The following DDX31 variants were observed in gnomAD, a reference collection of about 807,000 sequenced individuals.
DDX31 encodes the protein DEAD-box helicase 31, also known as ATP-dependent DNA helicase DDX31.
In DDX31, 70 loss-of-function variants were observed where a neutral mutation model predicts 91.3. The ratio of observed to expected loss-of-function variants is 0.77; its 90% confidence interval spans 0.63 to 0.94. The LOEUF is 0.94. Among genes scored for constraint, DDX31 ranks in the 40% least tolerant of loss-of-function variants. The pLI is 0.00. For synonymous variants in DDX31, 362 were observed against 350.6 expected (o/e 1.03, Z -0.36); for missense variants, 902 against 925.0 (o/e 0.98, Z 0.32).
chr9:132,627,396 T>TA (rs892739728), intron 16 of DDX31, among the ~76,000 whole-genome samples: 6 of 152,172 alleles, frequency 3.9e-5, no homozygotes, highest in African/African-American at 1.4e-4. Flanking sequence ...TTCCTCTTCC[T>TA]AAGAAACTGC....
Position 132,641,780 on chromosome 9 carries a change from T to C in DDX31, c.1440+224A>G, listed in dbSNP as rs139853356. ...ACATTTTCAGACCAACAGCTGCCACTATTAGTGAGCAAATTGCCAAGTCTT... is the reference window on the plus strand; with the variant it reads ...ACATTTTCAGACCAACAGCTGCCACCATTAGTGAGCAAATTGCCAAGTCTT... On this transcript the variant is annotated intron_variant, in intron 14 of 19. Transcript: ENST00000372159. 6.9e-4 allele frequency among the ~76,000 whole-genome samples: 105 copies of C among 152,326 alleles called. No homozygotes were observed. In the East Asian group the frequency reaches 0.018, roughly 26 times the overall value.
chr9:132,632,895 C>G (rs11243851), intron 14 of DDX31, among the ~76,000 whole-genome samples: 16,696 of 152,238 alleles, frequency 0.11, 1,155 homozygotes, highest in South Asian at 0.18. Context: ...TCTCTCTAGT[C>G]TCTCACCATT....
Position 132,645,879 on chromosome 9 carries a change from G to T in DDX31, c.1380+16C>A, listed in dbSNP as rs1360517862. 5 of 1,601,056 alleles carry T rather than the reference G, an allele frequency of 3.1e-6. No individual in the cohort carries two copies. The highest frequency in any genetic ancestry group is 3.4e-6 in the Non-Finnish European group (4 of 1,171,108). On this transcript the variant is annotated intron_variant, in intron 13 of 19. Coordinates refer to ENST00000372159, the MANE Select transcript of DDX31 (RefSeq NM_022779.9). ...GGGCCGCAGTGTTGTCGCTGCACAG[G>T]GAGATCAGTGCTCACCTCCTGCTCC... is the stretch of plus-strand genomic sequence containing the variant.
chr9:132,647,936 C>T (rs560614518), intron 11 of DDX31, among the ~76,000 whole-genome samples: 1 of 152,300 alleles, frequency 6.6e-6, no homozygotes, highest in South Asian at 2.1e-4. Context: ...AGCAGCCAGT[C>T]TTTTCTCGTC....
intron 1 of DDX31, chr9:132,669,581 A>C: frequency 6.8e-7 from 1 of 1,480,700 alleles, no homozygotes; most frequent in Non-Finnish European, 9.0e-7. Context: ...TTCCACGGGA[A>C]ACAGCCTCTA....
intron 7 of DDX31, among the ~76,000 whole-genome samples, chr9:132,652,101 A>G (rs1218162002): frequency 1.3e-5 from 2 of 152,162 alleles, no homozygotes; most frequent in Non-Finnish European, 2.9e-5. Flanking sequence ...AAAAAAATAA[A>G]GGTTCATTTT....
At chr9:132,631,714 A>T (rs1832733786) in intron 15 of DDX31, among the ~76,000 whole-genome samples, 1 of 152,182 alleles carries the variant, frequency 6.6e-6, no homozygotes, top group Non-Finnish European at 1.5e-5. Context: ...CTCCTTCTGG[A>T]CACAATGAGG....
chr9:132,622,547 T>C (rs146066110), intron 17 of DDX31, among the ~76,000 whole-genome samples: 2 of 152,316 alleles, frequency 1.3e-5, no homozygotes, highest in African/African-American at 4.8e-5. Flanking sequence ...AGACACACAG[T>C]GATCAACTCC....
intron 19 of DDX31, among the ~76,000 whole-genome samples, chr9:132,603,632 T>C (rs1472067605): frequency 6.6e-6 from 1 of 152,202 alleles, no homozygotes; most frequent in East Asian, 1.9e-4. Context: ...GAGCTGGTAC[T>C]CTCCTGTTGC....
chr9:132,638,290 TC>T (rs771116904), intron 14 of DDX31: 4 of 1,611,536 alleles, frequency 2.5e-6, no homozygotes, highest in East Asian at 2.2e-5. Context: ...CGGTGGTACT[TC>T]TTATCAACTC....
At chr9:132,611,004 C>T (rs421380) in intron 19 of DDX31, among the ~76,000 whole-genome samples, 150,454 of 152,204 alleles carry the variant, frequency 0.99, 74,371 homozygotes, top group Middle Eastern at 1. Flanking sequence ...GATGGAATAA[C>T]TGACACTTCC....
At chr9:132,650,408 C>T (rs1302990354) in intron 8 of DDX31, 110 bp from the exon 9 acceptor site, 3 of 985,580 alleles carry the variant, frequency 3.0e-6, no homozygotes, top group African/African-American at 1.6e-5. Flanking sequence ...ACTGGTGCTT[C>T]TCATTGTATA....
At position 132,612,658 on chromosome 9, in the gene DDX31, T is replaced by C. The variant is rs144088533; in HGVS notation, c.1826-403A>G. On this transcript the variant is annotated intron_variant, in intron 18 of 19. Transcript: ENST00000372159. ...ATCAACACAGGACATCGTTTTCTTA[T>C]GAAAATGAGAAAATCATTAGACATT... 4.6e-5 allele frequency among the ~76,000 whole-genome samples: 7 copies of C among 152,374 alleles called. No homozygotes were observed. In the South Asian group the frequency reaches 6.2e-4, roughly 14 times the overall value.
At chr9:132,607,077 A>G (rs1831071903) in intron 19 of DDX31, among the ~76,000 whole-genome samples, 1 of 152,202 alleles carries the variant, frequency 6.6e-6, no homozygotes. Context: ...GATTTCCACG[A>G]GGATGTTTAT....
At chr9:132,602,560 A>C (rs964272902) in intron 19 of DDX31, among the ~76,000 whole-genome samples, 36 of 152,324 alleles carry the variant, frequency 2.4e-4, no homozygotes, top group African/African-American at 8.2e-4. Flanking sequence ...CGCTCCTAGC[A>C]CTGTACCGTT....
At chr9:132,622,438 C>A (rs1029062432) in intron 17 of DDX31, among the ~76,000 whole-genome samples, 1 of 152,178 alleles carries the variant, frequency 6.6e-6, no homozygotes, top group African/African-American at 2.4e-5. Flanking sequence ...TAGCTTGTTG[C>A]TGACAGAGTG....
chr9:132,635,812 T>C (rs1017728394), intron 14 of DDX31, among the ~76,000 whole-genome samples: 1 of 151,582 alleles, frequency 6.6e-6, no homozygotes, highest in Non-Finnish European at 1.5e-5. Context: ...GGCATGGTGG[T>C]GCATGCCTGT....
chr9:132,612,350 TG>T lies in DDX31; in HGVS notation c.1826-96del, dbSNP rs369733110. On this transcript the variant is annotated intron_variant, in intron 18 of 19. Coordinates refer to ENST00000372159, the MANE Select transcript of DDX31 (RefSeq NM_022779.9). Reference sequence around the variant, plus strand: ...AATGGTTATCTTCTGTACTTTATCTTGCCAGGCAACGAAACATGAGCAGGAC... The same window carrying T: ...AATGGTTATCTTCTGTACTTTATCTTCCAGGCAACGAAACATGAGCAGGAC... 9.1e-4 allele frequency: 1,311 copies of T among 1,437,386 alleles called. 2 individuals are homozygous for T. Among genetic ancestry groups the T allele is most frequent in the Non-Finnish European group, 1.2e-3 (1,245 of 1,033,962 alleles). 89.0% of individuals were successfully genotyped at this position (1,437,386 alleles called of 1,614,324 possible). A position where few individuals can be genotyped will look rare whatever the true frequency, so the allele number is the denominator to read the frequency against.
rs769078351 is a variant in DDX31 at position 132,662,597 on chromosome 9, A to C, written c.174T>G (p.Ser58Arg). 6.2e-6 allele frequency: 10 copies of C among 1,614,054 alleles called. No individual in the cohort carries two copies. The South Asian group carries it at 8.8e-5, about 14-fold the overall frequency. The change falls in exon 2 of 20, where the codon AGT becomes AGG. Residue 58 changes from serine (S) to arginine (R), a missense_variant. Transcript: ENST00000372159. ...TAAAAGTCCTCTGAGTTTCTTTAACACTAGTTTTCTTGGCTGGGAGAAATG... is the reference window on the plus strand; with the variant it reads ...TAAAAGTCCTCTGAGTTTCTTTAACCCTAGTTTTCTTGGCTGGGAGAAATG... ...ETSFLPAKKT[S>R]VKETQRTFKG...
Sources: allele counts gnomAD v4.1 joint callset (sites outside exome capture counted in the v4.1 genomes callset), GRCh38; gene constraint gnomAD v4.1.1; transcripts MANE v1.5; gene names NCBI Gene and HGNC (gene_info 2026-07-23, HGNC 2026-07-21).